The following ZCCHC14 variants were observed in gnomAD, a reference collection of about 807,000 sequenced individuals.
ZCCHC14 encodes zinc finger CCHC-type containing 14, also known as zinc finger CCHC domain-containing protein 14.
In ZCCHC14, 16 loss-of-function variants were observed where a neutral mutation model predicts 85.0. The ratio of observed to expected loss-of-function variants is 0.19; its 90% CI spans 0.13 to 0.29. ZCCHC14 has a LOEUF of 0.29. ZCCHC14 is among the 10% of genes least tolerant of loss of function. The pLI is 1.00. For missense variants in ZCCHC14, 1,303 were observed against 1,443.5 expected (o/e 0.90, Z 1.58); for synonymous variants, 775 against 630.7 (o/e 1.23, Z -3.43).
At chr16:87,456,859 C>A (rs1397772956) in intron 2 of ZCCHC14, among the ~76,000 whole-genome samples, 1 of 152,174 alleles carries the variant, frequency 6.6e-6, no homozygotes, top group African/African-American at 2.4e-5. Context: ...TTGAAAACTA[C>A]TGGTATATAA....
At chr16:87,411,378 G>C (rs746640566) in intron 12 of ZCCHC14, 138 bp downstream of exon 12, 1 of 1,511,654 alleles carries the variant, frequency 6.6e-7, no homozygotes, top group South Asian at 1.3e-5. Flanking sequence ...CTATCATGAA[G>C]ATTTCCACGC....
At position 87,467,140 on chromosome 16, in the gene ZCCHC14, C is replaced by G. The variant is rs567540485; in HGVS notation, c.571-7009G>C. ...CCTCAAAAGTGGTCCTCCACCAGAT[C>G]AGACCTGTTGATAGATGAAAACTGT... On this transcript the variant is annotated intron_variant, in intron 1 of 12. Transcript: ENST00000671377. 179 of 1,027,428 alleles carry G rather than the reference C, an allele frequency of 1.7e-4. No homozygotes were observed. In the African/African-American group the frequency reaches 2.4e-3, roughly 14 times the overall value. 63.6% of individuals were successfully genotyped at this position (1,027,428 alleles called of 1,614,324 possible).
chr16:87,475,927 A>G (rs902582630), intron 1 of ZCCHC14, among the ~76,000 whole-genome samples: 2 of 152,058 alleles, frequency 1.3e-5, no homozygotes, highest in Non-Finnish European at 2.9e-5. Context: ...GATAAATTCA[A>G]TAAACACTTG....
In ZCCHC14 at chr16:87,408,583, T is replaced by C. The variant is rs1286046144; in HGVS notation, c.*1697A>G. ...CACCATTACTTCAACACTGTAATAC[T>C]GTGTACCATGAGGAGAAGAGGTCTG... On this transcript the variant is annotated 3_prime_UTR_variant, in exon 13 of 13. Coordinates refer to ENST00000671377, the MANE Select transcript of ZCCHC14 (RefSeq NM_015144.3). The C allele has an allele frequency of 2.0e-5, 3 of 152,640 alleles. No homozygotes were observed. The highest frequency in any genetic ancestry group is 7.2e-5 in the African/African-American group (3 of 41,466). 9.5% of individuals were successfully genotyped at this position (152,640 alleles called of 1,614,324 possible).
chr16:87,481,855 GA>G (rs1912294840), intron 1 of ZCCHC14, among the ~76,000 whole-genome samples: 1 of 152,150 alleles, frequency 6.6e-6, no homozygotes. Context: ...ATAAAGAAAA[GA>G]AATGTATTTC....
chr16:87,462,782 G>A (rs192446824), intron 1 of ZCCHC14, among the ~76,000 whole-genome samples: 7 of 146,736 alleles, frequency 4.8e-5, no homozygotes, highest in Non-Finnish European at 1.1e-4. Flanking sequence ...AAACAAACAC[G>A]GCCGAGGCCA....
rs1490084715 is a variant in ZCCHC14 at position 87,411,954 on chromosome 16, T to G, written c.2767A>C (p.Ile923Leu). The G allele has an allele frequency of 6.2e-7, 1 of 1,605,414 alleles. No individual in the cohort carries two copies. The highest frequency in any genetic ancestry group is 1.1e-5 in the South Asian group (1 of 90,324). ...CTGCAGCCACAGGACGTGCACACAA[T>G]GCAGCCTGGCGGGGGTGGGGCGGGC... ...PQPAPPPPGC[I>L]VCTSCGCSGS... is the part of the protein sequence containing the mutation. Residue 923 changes from isoleucine (I) to leucine (L), a missense_variant, in exon 12 of 13, where the codon ATT becomes CTT. This residue lies in a region of ZCCHC14 where 797 missense variants were observed against 730.8 expected (regional missense o/e 1.09). Transcript: ENST00000671377.
intron 1 of ZCCHC14, among the ~76,000 whole-genome samples, chr16:87,478,385 G>T (rs1432248365): frequency 1.3e-5 from 2 of 152,146 alleles, no homozygotes; most frequent in Non-Finnish European, 2.9e-5. Context: ...TAGAAAAAAG[G>T]CCTGGGAGTC....
In ZCCHC14 at chr16:87,410,094, T is replaced by C. The variant is rs763234998; in HGVS notation, c.*186A>G. On this transcript the variant is annotated 3_prime_UTR_variant, in exon 13 of 13. Transcript: ENST00000671377. Reference sequence around the variant, plus strand: ...GGCGAGTTCTGACACCAAGCTCCAATCTAGGGTTTTGGCAATAAATCGAGT... The same window carrying C: ...GGCGAGTTCTGACACCAAGCTCCAACCTAGGGTTTTGGCAATAAATCGAGT... The C allele has an allele frequency of 5.8e-5, 28 of 485,006 alleles. No individual in the cohort carries two copies. The highest frequency in any genetic ancestry group is 9.8e-5 in the Non-Finnish European group (27 of 274,354). The allele number at this position is 485,006 out of a possible 1,614,324, so 30.0% of individuals were successfully genotyped here. A position where few individuals can be genotyped will look rare whatever the true frequency, so the allele number is the denominator to read the frequency against.
rs74038786 is a variant in ZCCHC14 at position 87,449,582 on chromosome 16, G to A, written c.694+10426C>T. Among the ~76,000 whole-genome samples, 1,237 of 152,144 alleles carry A rather than the reference G, an allele frequency of 8.1e-3. 18 individuals are homozygous for A. Among genetic ancestry groups the A allele is most frequent in the African/African-American group, 0.029 (1,193 of 41,500 alleles). On this transcript the variant is annotated intron_variant, in intron 2 of 12. Transcript: ENST00000671377. ...AACAGAGACCTACAGAAGAAAACCA[G>A]TAGTTTTCCGCCAAATGTCTTTCTT...
intron 1 of ZCCHC14, chr16:87,472,309 G>C (rs1286466898): frequency 6.6e-6 from 1 of 152,198 alleles, no homozygotes. Flanking sequence ...ATTGACTTCC[G>C]AGGGTTGGTG....
At chr16:87,447,802 T>C (rs1349954469) in intron 2 of ZCCHC14, among the ~76,000 whole-genome samples, 2 of 152,236 alleles carry the variant, frequency 1.3e-5, no homozygotes, top group African/African-American at 4.8e-5. Context: ...GGTTGTACCA[T>C]TTAATCCTCC....
chr16:87,492,250 C>T lies in ZCCHC14; in HGVS notation c.-12G>A. ...CGCTTCTCCACCATGCTGCCGCCCGCGCCGCGCCGCGACCCGGGGCCGGGG... is the reference window on the plus strand; with the variant it reads ...CGCTTCTCCACCATGCTGCCGCCCGTGCCGCGCCGCGACCCGGGGCCGGGG... On this transcript the variant is annotated 5_prime_UTR_variant, in exon 1 of 13. Transcript: ENST00000671377. The surrounding 1 kb of genome is among the most constrained non-coding windows in gnomAD (Gnocchi z 6.7). The T allele has an allele frequency of 1.0e-6, 1 of 981,638 alleles. No homozygotes were observed. The highest frequency in any genetic ancestry group is 1.8e-5 in the African/African-American group (1 of 56,916). 60.8% of individuals were successfully genotyped at this position (981,638 alleles called of 1,614,324 possible).
chr16:87,418,478 T>C (rs1010157356), intron 7 of ZCCHC14, among the ~76,000 whole-genome samples: 6 of 152,294 alleles, frequency 3.9e-5, no homozygotes, highest in African/African-American at 1.2e-4. Flanking sequence ...GGAGCCTCTG[T>C]GTTGCCGGCA....
At chr16:87,469,410 G>C (rs533837764) in intron 1 of ZCCHC14, among the ~76,000 whole-genome samples, 1 of 152,208 alleles carries the variant, frequency 6.6e-6, no homozygotes, top group Non-Finnish European at 1.5e-5. Flanking sequence ...GCAGACTTTA[G>C]GTCCTGTAAC....
At chr16:87,481,210 T>C (rs1022317783) in intron 1 of ZCCHC14, among the ~76,000 whole-genome samples, 9 of 151,958 alleles carry the variant, frequency 5.9e-5, no homozygotes, top group African/African-American at 2.2e-4. Flanking sequence ...AAGGTCAGAG[T>C]TGGGCACATC....
rs1026401725 is a variant in ZCCHC14, at chr16:87,414,432, G to A, written c.1585C>T (p.Arg529Trp). 5 of 1,612,930 alleles carry A rather than the reference G, an allele frequency of 3.1e-6. No homozygotes were observed. The highest frequency in any genetic ancestry group is 1.7e-5 in the Admixed American group (1 of 59,988). Residue 529 changes from arginine to tryptophan, a missense_variant, in exon 10 of 13, where the codon CGG (arginine) becomes TGG (tryptophan). Transcript: ENST00000671377. The stretch of plus-strand genomic sequence containing the variant: ...TGTTCACCTGCTGCATGGCTGCCCC[G>A]CCCCGACTGCACGGGCCCGACGTGG... ...TSHVGPVQSG[R>W]GSHAAELRVE...
chr16:87,412,804 T>A lies in ZCCHC14; in HGVS notation c.1917A>T (p.Ser639=). 1 of 1,612,610 alleles carries A rather than the reference T, an allele frequency of 6.2e-7. No homozygotes were observed. The highest frequency in any genetic ancestry group is 8.5e-7 in the Non-Finnish European group (1 of 1,179,106). The change falls in exon 12 of 13, where the codon TCA becomes TCT. Residue 639 remains serine (S), a synonymous_variant. Coordinates refer to ENST00000671377, the MANE Select transcript of ZCCHC14 (RefSeq NM_015144.3). ...TCAGCATGCGGATGGGTGTGATGTG[T>A]GAGGCTGCGCTCAGCATCTGCGGGG... ...PLPPQMLSAA[S]HITPIRMLNS...
intron 4 of ZCCHC14, 48 bp downstream of exon 4, chr16:87,423,762 G>A (rs757984331): frequency 1.3e-6 from 2 of 1,597,964 alleles, no homozygotes; most frequent in South Asian, 2.2e-5. Context: ...ATCAGCCACT[G>A]GGGAATGTGA....
Sources: allele counts gnomAD v4.1 joint callset (sites outside exome capture counted in the v4.1 genomes callset), GRCh38; gene constraint gnomAD v4.1.1; regional missense constraint gnomAD v4.1.1; non-coding constraint Gnocchi (gnomAD v3.1); transcripts MANE v1.5; gene names NCBI Gene and HGNC (gene_info 2026-07-23, HGNC 2026-07-21).